Variants in CPD observed in about 807,000 individuals in gnomAD.
CPD encodes the protein metallocarboxypeptidase D.
A neutral mutation model predicts 138.3 loss-of-function variants in CPD; 69 were observed. The observed-to-expected ratio is 0.50, with a 90% CI of 0.41 to 0.61. The LOEUF (loss-of-function observed/expected upper bound fraction) is 0.61. Among genes scored for constraint, CPD ranks in the 20% least tolerant of loss-of-function variants. The probability of loss-of-function intolerance (pLI) is 0.00; values close to 1 mark genes in which losing one functional copy is unlikely to be tolerated. For missense variants in CPD, 1,432 were observed against 1,733.3 expected (o/e 0.83, Z 3.09); for synonymous variants, 651 against 642.1 (o/e 1.01, Z -0.21).
chr17:30,459,206 T>TA (rs34075038), intron 17 of CPD, among the ~76,000 whole-genome samples: 56,126 of 122,306 alleles, frequency 0.46, 13,732 homozygotes, highest in East Asian at 0.8. Context: ...TTTATTTATT[T>TA]TTATTTATTA....
intron 6 of CPD, among the ~76,000 whole-genome samples, chr17:30,424,571 C>A (rs1425911898): frequency 2.0e-5 from 3 of 152,116 alleles, no homozygotes; most frequent in African/African-American, 7.2e-5. Context: ...ATTTTGGGAA[C>A]CTTATTTCAT....
At chr17:30,427,348 A>G in intron 6 of CPD, 43 bp from the exon 7 acceptor site, 1 of 1,576,670 alleles carries the variant, frequency 6.3e-7, no homozygotes. Flanking sequence ...ATAAAATATA[A>G]GTGAACATGG....
intron 20 of CPD, 81 bp downstream of exon 20, chr17:30,462,550 A>G: frequency 2.2e-6 from 2 of 901,980 alleles, no homozygotes; most frequent in Non-Finnish European, 3.6e-6. Flanking sequence ...CCTCTCTCAT[A>G]TTGATCCTGA....
Position 30,443,715 on chromosome 17 carries a change from A to G in CPD, c.2374-87A>G, listed in dbSNP as rs868770246. 1.4e-5 allele frequency: 18 copies of G among 1,277,156 alleles called. 1 individual carries two copies. The Middle Eastern group carries it at 3.2e-3, about 225-fold the overall frequency. 79.1% of individuals were successfully genotyped at this position (1,277,156 alleles called of 1,614,324 possible). On this transcript the variant is annotated intron_variant, in intron 10 of 20. Coordinates refer to ENST00000225719, the MANE Select transcript of CPD (RefSeq NM_001304.5). ...CTGTTTGTTCCATTTATTTGTGTTG[A>G]CAATCTGTTATTTTGAATATGACCT...
At chr17:30,458,116 C>T (rs1243197714) in intron 17 of CPD, among the ~76,000 whole-genome samples, 2 of 152,082 alleles carry the variant, frequency 1.3e-5, no homozygotes, top group African/African-American at 2.4e-5. Flanking sequence ...ATCGCTTGAA[C>T]TTGGGAAGCA....
intron 2 of CPD, among the ~76,000 whole-genome samples, chr17:30,400,327 G>A (rs1394449474): frequency 6.6e-6 from 1 of 151,998 alleles, no homozygotes; most frequent in African/African-American, 2.4e-5. Context: ...AGGAATGTAC[G>A]AACCTACCCA....
intron 6 of CPD, among the ~76,000 whole-genome samples, chr17:30,424,700 C>T (rs943332254): frequency 6.6e-6 from 1 of 152,198 alleles, no homozygotes; most frequent in Non-Finnish European, 1.5e-5. Flanking sequence ...CTTTGCCTTC[C>T]CTGGGCAAGC....
At chr17:30,449,502 T>C in intron 12 of CPD, 51 bp from the exon 13 acceptor site, 1 of 1,475,846 alleles carries the variant, frequency 6.8e-7, no homozygotes, top group South Asian at 1.3e-5. Flanking sequence ...AAGTCAACAT[T>C]AACATAGTGC....
intron 7 of CPD, among the ~76,000 whole-genome samples, chr17:30,427,891 T>TTCTCC (rs1912463525): frequency 1.3e-5 from 2 of 151,652 alleles, no homozygotes; most frequent in African/African-American, 2.4e-5. Flanking sequence ...CTTGTCTTTT[T>TTCTCC]TCTCCTCTCC....
rs1337163146 is a variant in CPD, at chr17:30,431,828, A to G, written c.2074A>G (p.Ser692Gly). ...TGATGAACAAGGACTTGCCACATAT[A>G]GTAAATCACCAGATGATGCTGTGTT... ...DDDEQGLATY[S>G]KSPDDAVFQQ... Residue 692 changes from serine (S) to glycine (G), a missense_variant, in exon 8 of 21, where the codon AGT becomes GGT. Ser to Gly is a moderately conservative substitution (Grantham distance 56). Around this residue, in one of 6 missense-constraint regions of CPD, gnomAD observed 297 missense variants for 405.3 expected, o/e 0.73. Transcript: ENST00000225719. 1 of 1,613,178 alleles carries G rather than the reference A, an allele frequency of 6.2e-7. No homozygotes were observed. Among genetic ancestry groups the G allele is most frequent in the South Asian group, 1.1e-5 (1 of 90,970 alleles).
chr17:30,386,962 A>G (rs1300347547), intron 2 of CPD, among the ~76,000 whole-genome samples: 4 of 152,246 alleles, frequency 2.6e-5, no homozygotes, highest in Admixed American at 1.3e-4. Context: ...TCGTCTGGAT[A>G]TATACCCAGG....
rs190921660 is a variant in CPD, at chr17:30,399,845, C to T, written c.994+14609C>T. Among the ~76,000 whole-genome samples, 471 of 152,164 alleles carry T rather than the reference C, an allele frequency of 3.1e-3. 3 individuals are homozygous for T. The highest frequency in any genetic ancestry group is 4.3e-3 in the Non-Finnish European group (295 of 68,004). ...TCTCTAATAAAAATACAAAAATTAG[C>T]TGGGCATGGTGGCAGGCACCTGTAA... On this transcript the variant is annotated intron_variant, in intron 2 of 20. Coordinates refer to ENST00000225719, the MANE Select transcript of CPD (RefSeq NM_001304.5).
intron 8 of CPD, 75 bp downstream of exon 8, chr17:30,431,956 G>T (rs1912577488): frequency 9.7e-7 from 1 of 1,026,444 alleles, no homozygotes; most frequent in East Asian, 2.6e-5. Flanking sequence ...AGTCCTGCAA[G>T]ACTCAGGTCA....
intron 17 of CPD, among the ~76,000 whole-genome samples, chr17:30,457,969 G>A (rs1377959339): frequency 6.6e-6 from 1 of 152,120 alleles, no homozygotes; most frequent in African/African-American, 2.4e-5. Context: ...GAGGCGGGAG[G>A]ATCACCTGAG....
rs956890780 is a variant in CPD, at chr17:30,396,032, A to C, written c.994+10796A>C. The stretch of plus-strand genomic sequence containing the variant: ...TGATTTTTCCATTGATTTGGCCCAG[A>C]TTTTCCACCTAAAATTTTTTTACAA... On this transcript the variant is annotated intron_variant, in intron 2 of 20. Coordinates refer to ENST00000225719, the MANE Select transcript of CPD (RefSeq NM_001304.5). Among the ~76,000 whole-genome samples, 3 of 152,110 alleles carry C rather than the reference A, an allele frequency of 2.0e-5. 1 individual carries two copies. In the South Asian group the frequency reaches 6.2e-4, roughly 31 times the overall value.
intron 17 of CPD, among the ~76,000 whole-genome samples, chr17:30,459,379 G>A (rs1335762634): frequency 2.7e-5 from 3 of 110,474 alleles, no homozygotes; most frequent in African/African-American, 7.0e-5. Flanking sequence ...TCCCTCCCCC[G>A]ACCCCACAAC....
chr17:30,404,951 T>G (rs1368962767), intron 2 of CPD, among the ~76,000 whole-genome samples: 2 of 152,224 alleles, frequency 1.3e-5, no homozygotes, highest in African/African-American at 4.8e-5. Flanking sequence ...TTATGTTGGC[T>G]TCTGGTTTCA....
chr17:30,404,056 C>T (rs1911743714), intron 2 of CPD, among the ~76,000 whole-genome samples: 2 of 151,958 alleles, frequency 1.3e-5, no homozygotes, highest in African/African-American at 4.8e-5. Flanking sequence ...CTAGAGAAGG[C>T]AGAAATATAG....
At chr17:30,429,910 C>T (rs1292534886) in intron 7 of CPD, among the ~76,000 whole-genome samples, 2 of 152,104 alleles carry the variant, frequency 1.3e-5, no homozygotes, top group Admixed American at 1.3e-4. Context: ...AGGTGCCTTT[C>T]TCACGGGAAA....
Sources: gnomAD v4.1 joint callset for allele counts (sites outside exome capture counted in the v4.1 genomes callset) on GRCh38, gnomAD v4.1.1 for gene constraint, gnomAD v4.1.1 regional missense constraint, MANE v1.5 for transcripts, NCBI Gene and HGNC (gene_info 2026-07-23, HGNC 2026-07-21) for gene names.